The following CECR2 variants were observed in gnomAD, a reference collection of about 807,000 sequenced individuals.
The protein encoded by CECR2 is chromatin remodeling regulator CECR2.
CECR2 carries 30 observed loss-of-function variants against 154.5 expected under a neutral mutation model. The observed-to-expected ratio is 0.19, with a 90% CI of 0.15 to 0.26. CECR2 has a LOEUF of 0.26. Ranked by LOEUF, CECR2 falls within the 10% of genes least tolerant of loss-of-function variation. CECR2 has a pLI of 1.00. For missense variants in CECR2, 1,743 were observed against 1,829.3 expected (o/e 0.95, Z 0.86); for synonymous variants, 725 against 683.7 (o/e 1.06, Z -0.94).
At chr22:17,510,875 G>A (rs2055935440) in intron 7 of CECR2, among the ~76,000 whole-genome samples, 1 of 152,178 alleles carries the variant, frequency 6.6e-6, no homozygotes, top group Non-Finnish European at 1.5e-5. Context: ...AAAGTGCTGG[G>A]ATTACAGGCG....
intron 1 of CECR2, among the ~76,000 whole-genome samples, chr22:17,383,466 A>G (rs1176031130): frequency 3.9e-5 from 6 of 152,136 alleles, no homozygotes; most frequent in Non-Finnish European, 5.9e-5. Context: ...TGTCATTTGA[A>G]CAATGTTGAC....
chr22:17,431,943 C>G (rs1416600576), intron 1 of CECR2, among the ~76,000 whole-genome samples: 1 of 152,112 alleles, frequency 6.6e-6, no homozygotes, highest in South Asian at 2.1e-4. Context: ...ACTCCACTCA[C>G]GTTTTTCCCC....
Position 17,549,145 on chromosome 22 carries a change from T to A in CECR2, c.3858T>A (p.Ser1286=). ...CAGAGGAAGAGAAGCTGGATGAATC[T>A]ATGGAGAGGCCAGAGAGTCCCAAAG... ...PGPEEEKLDE[S]MERPESPKEF... The change falls in exon 17 of 19, where the codon TCT becomes TCA. Residue 1286 remains serine, a synonymous_variant. Coordinates refer to ENST00000262608, the MANE Select transcript of CECR2 (RefSeq NM_001290047.2). The A allele has an allele frequency of 6.2e-7, 1 of 1,613,972 alleles. No individual in the cohort carries two copies. Among genetic ancestry groups the A allele is most frequent in the Non-Finnish European group, 8.5e-7 (1 of 1,179,884 alleles).
rs2056678604 is a variant in CECR2 at position 17,549,783 on chromosome 22, GGTT to G, written c.4277+220_4277+222del. ...TGCCACCACACCCAGCTAACTTTTT[GGTT>G]TTTTTTTTTTTTTTTTTTTGGTGGA... is the stretch of plus-strand genomic sequence containing the variant. On this transcript the variant is annotated intron_variant, in intron 17 of 18. Transcript: ENST00000262608. Among the ~76,000 whole-genome samples the G allele has an allele frequency of 5.6e-5, 5 of 88,850 alleles. 1 individual carries two copies. Among genetic ancestry groups the G allele is most frequent in the Non-Finnish European group, 6.4e-5 (3 of 46,544 alleles). The allele number at this position is 88,850 out of a possible 152,430, so 58.3% of individuals were successfully genotyped here.
chr22:17,370,325 G>A (rs2401111), intron 1 of CECR2, among the ~76,000 whole-genome samples: 1 of 149,920 alleles, frequency 6.7e-6, no homozygotes, highest in Non-Finnish European at 1.5e-5. Context: ...GGCGCGGGGG[G>A]GGGGCCCGCG....
chr22:17,413,946 G>A (rs2054107202), intron 1 of CECR2, among the ~76,000 whole-genome samples: 1 of 147,268 alleles, frequency 6.8e-6, no homozygotes, highest in Non-Finnish European at 1.5e-5. Context: ...CAAAGTGCTG[G>A]GATTACAGGC....
At chr22:17,512,563 TG>T (rs1322370882) in intron 8 of CECR2, among the ~76,000 whole-genome samples, 1 of 151,112 alleles carries the variant, frequency 6.6e-6, no homozygotes, top group Non-Finnish European at 1.5e-5. Flanking sequence ...ATTAGCTGGG[TG>T]TGGTGGCGGG....
intron 1 of CECR2, among the ~76,000 whole-genome samples, chr22:17,465,982 A>T (rs918035212): frequency 6.6e-6 from 1 of 152,158 alleles, no homozygotes; most frequent in Non-Finnish European, 1.5e-5. Context: ...TTTATTGAAC[A>T]TGGTAAAGTA....
chr22:17,369,314 G>GCCCCTC (rs1215682165), upstream of CECR2: 4 of 151,068 alleles, frequency 2.6e-5, no homozygotes, highest in East Asian at 6.1e-4. Flanking sequence ...CGCGCGCCCC[G>GCCCCTC]CCCCTCCCCC....
chr22:17,403,064 C>T (rs1266124698), intron 1 of CECR2, among the ~76,000 whole-genome samples: 1 of 152,216 alleles, frequency 6.6e-6, no homozygotes, highest in Non-Finnish European at 1.5e-5. Context: ...GTTTCCCCAT[C>T]TTTTCATTTC....
chr22:17,444,088 G>T (rs2054623020), intron 1 of CECR2, among the ~76,000 whole-genome samples: 1 of 152,194 alleles, frequency 6.6e-6, no homozygotes, highest in African/African-American at 2.4e-5. Context: ...GACTGGCAGT[G>T]CACCCGGCCT....
intron 9 of CECR2, among the ~76,000 whole-genome samples, chr22:17,530,570 G>A (rs2056338856): frequency 2.0e-5 from 3 of 151,908 alleles, no homozygotes; most frequent in Non-Finnish European, 4.4e-5. Flanking sequence ...CCAACTACTC[G>A]GGAGGCTGAG....
intron 1 of CECR2, among the ~76,000 whole-genome samples, chr22:17,414,461 T>C (rs2054125109): frequency 6.6e-6 from 1 of 151,544 alleles, no homozygotes; most frequent in Non-Finnish European, 1.5e-5. Context: ...TTTTTCTTTT[T>C]TTTTTTTTTA....
chr22:17,400,912 G>A (rs2053882056), intron 1 of CECR2, among the ~76,000 whole-genome samples: 1 of 151,806 alleles, frequency 6.6e-6, no homozygotes, highest in Admixed American at 6.6e-5. Flanking sequence ...CACCGTGGCT[G>A]GCTAATTTTT....
upstream of CECR2, among the ~76,000 whole-genome samples, chr22:17,367,642 C>T (rs182199995): frequency 2.0e-4 from 31 of 152,294 alleles, no homozygotes; most frequent in African/African-American, 7.2e-4. Flanking sequence ...CCGCCTCGGC[C>T]TCCCAAAGTG....
intron 1 of CECR2, among the ~76,000 whole-genome samples, chr22:17,411,069 C>G (rs991636174): frequency 2.6e-5 from 4 of 152,112 alleles, no homozygotes; most frequent in African/African-American, 9.7e-5. Context: ...TTCATATTTA[C>G]GAGTTCTGTT....
At chr22:17,374,257 G>A (rs762715629) in intron 1 of CECR2, among the ~76,000 whole-genome samples, 1 of 151,980 alleles carries the variant, frequency 6.6e-6, no homozygotes, top group South Asian at 2.1e-4. Context: ...TTTGTACGTG[G>A]GTAAGATCTC....
At chr22:17,458,187 C>T (rs886545889) in intron 1 of CECR2, among the ~76,000 whole-genome samples, 2 of 151,930 alleles carry the variant, frequency 1.3e-5, no homozygotes, top group African/African-American at 2.4e-5. Context: ...GAGGCTGAGG[C>T]GGGTGGATCA....
At chr22:17,452,529 G>A (rs1004973) in intron 1 of CECR2, among the ~76,000 whole-genome samples, 44,677 of 151,988 alleles carry the variant, frequency 0.29, 9,282 homozygotes, top group African/African-American at 0.56. Flanking sequence ...TGGATTTGCT[G>A]GACTGGGATA....
Sources: gnomAD v4.1 joint callset for allele counts (sites outside exome capture counted in the v4.1 genomes callset) on GRCh38, gnomAD v4.1.1 for gene constraint, MANE v1.5 for transcripts, NCBI Gene and HGNC (gene_info 2026-07-23, HGNC 2026-07-21) for gene names.